SULF1: variants seen among roughly 807,000 people sequenced by gnomAD.
The protein encoded by SULF1 is sulfatase 1.
In SULF1, 46 loss-of-function variants were observed where a neutral mutation model predicts 110.5. The observed-to-expected ratio is 0.42, with a 90% CI of 0.33 to 0.53. SULF1 has a LOEUF of 0.53. Among genes scored for constraint, SULF1 ranks in the 20% least tolerant of loss-of-function variants. The pLI is 0.12. For synonymous variants in SULF1, 371 were observed against 387.1 expected (o/e 0.96, Z 0.49); for missense variants, 941 against 1,094.2 (o/e 0.86, Z 1.98).
At chr8:69,633,268 CAGAA>C (rs988730809) in intron 19 of SULF1, among the ~76,000 whole-genome samples, 5 of 151,224 alleles carry the variant, frequency 3.3e-5, no homozygotes, top group Admixed American at 2.0e-4. Flanking sequence ...AAACATGACT[CAGAA>C]AGATTTTCTG....
intron 3 of SULF1, among the ~76,000 whole-genome samples, chr8:69,520,131 A>C (rs1223163677): frequency 6.6e-6 from 1 of 151,516 alleles, no homozygotes; most frequent in Non-Finnish European, 1.5e-5. Flanking sequence ...ACACACACAC[A>C]CACACACACA....
intron 22 of SULF1, among the ~76,000 whole-genome samples, chr8:69,654,880 C>T (rs1274305751): frequency 1.3e-5 from 2 of 152,192 alleles, no homozygotes; most frequent in Non-Finnish European, 2.9e-5. Context: ...TAATGTGCAC[C>T]ATTATACGTC....
chr8:69,474,735 A>G (rs971238791), intron 1 of SULF1, among the ~76,000 whole-genome samples: 2 of 152,218 alleles, frequency 1.3e-5, no homozygotes, highest in Non-Finnish European at 2.9e-5. Flanking sequence ...GATTTATGAT[A>G]TGGACCCAAT....
chr8:69,646,603 T>C (rs1487853701), intron 22 of SULF1, among the ~76,000 whole-genome samples: 1 of 152,006 alleles, frequency 6.6e-6, no homozygotes, highest in Non-Finnish European at 1.5e-5. Flanking sequence ...ATTATCCCCA[T>C]TTTACAGATG....
intron 3 of SULF1, among the ~76,000 whole-genome samples, chr8:69,513,778 TA>T (rs1811735859): frequency 6.6e-6 from 1 of 152,232 alleles, no homozygotes. Context: ...CCAGGGTTTC[TA>T]ATTGGACTTC....
intron 3 of SULF1, among the ~76,000 whole-genome samples, chr8:69,514,617 G>A (rs140242547): frequency 2.0e-5 from 3 of 152,304 alleles, no homozygotes; most frequent in African/African-American, 7.2e-5. Context: ...GGGAGTGGGA[G>A]GAGGCTGTTC....
chr8:69,656,670 G>T (rs1382145653), intron 22 of SULF1, among the ~76,000 whole-genome samples: 1 of 152,170 alleles, frequency 6.6e-6, no homozygotes, highest in Non-Finnish European at 1.5e-5. Flanking sequence ...TTTTATGGCT[G>T]CATAGTATTC....
At chr8:69,572,381 A>G (rs7825887) in intron 5 of SULF1, among the ~76,000 whole-genome samples, 57,843 of 152,004 alleles carry the variant, frequency 0.38, 11,235 homozygotes, top group African/African-American at 0.44. Context: ...AATAATAGCT[A>G]CTAGCACCCA....
At chr8:69,541,569 T>C (rs1813860507) in intron 3 of SULF1, among the ~76,000 whole-genome samples, 1 of 152,252 alleles carries the variant, frequency 6.6e-6, no homozygotes, top group Non-Finnish European at 1.5e-5. Context: ...GACGTCTGCT[T>C]CTAACAGTGA....
At position 69,649,972 on chromosome 8, in the gene SULF1, CTTTTTTTTTTTTTTTTTTTTTTTTT is replaced by C. The variant is rs536073966; in HGVS notation, c.2586-8520_2586-8496del. ...CCCACTCTGTAATTCCTCCTGCTTGCTTTTTTTTTTTTTTTTTTTTTTTTTTTTTTTTTTTTTGTCTGAGACACGG... is the reference window on the plus strand; with the variant it reads ...CCCACTCTGTAATTCCTCCTGCTTGCTTTTTTTTTTTTGTCTGAGACACGG... On this transcript the variant is annotated intron_variant, in intron 22 of 22. Coordinates refer to ENST00000402687, the MANE Select transcript of SULF1 (RefSeq NM_001128205.2). Among the ~76,000 whole-genome samples the C allele has an allele frequency of 2.3e-4, 7 of 30,568 alleles. No homozygotes were observed. In the Admixed American group the frequency reaches 2.4e-3, roughly 11 times the overall value. 20.1% of individuals were successfully genotyped at this position (30,568 alleles called of 152,430 possible).
chr8:69,529,611 G>A (rs1280208941), intron 3 of SULF1, among the ~76,000 whole-genome samples: 7 of 152,174 alleles, frequency 4.6e-5, no homozygotes. Context: ...TGCAGCCTAA[G>A]ATACAGAGCA....
chr8:69,632,404 ATATAC>A (rs1361012040), intron 19 of SULF1, among the ~76,000 whole-genome samples: 1 of 152,194 alleles, frequency 6.6e-6, no homozygotes, highest in Non-Finnish European at 1.5e-5. Flanking sequence ...TATGTAATAT[ATATAC>A]TAAAGTAAAA....
chr8:69,608,849 A>C (rs1445172759), intron 13 of SULF1, among the ~76,000 whole-genome samples: 1 of 152,150 alleles, frequency 6.6e-6, no homozygotes, highest in Non-Finnish European at 1.5e-5. Context: ...TATGAGATGG[A>C]GTGTGAATTC....
intron 3 of SULF1, among the ~76,000 whole-genome samples, chr8:69,534,428 A>G (rs531222810): frequency 1.3e-5 from 2 of 152,364 alleles, no homozygotes; most frequent in African/African-American, 4.8e-5. Context: ...ATATATCATA[A>G]GAAACAAGAA....
At chr8:69,502,335 C>T (rs141019681) in intron 3 of SULF1, among the ~76,000 whole-genome samples, 61 of 152,304 alleles carry the variant, frequency 4.0e-4, no homozygotes, top group African/African-American at 1.4e-3. Context: ...CAACATACTC[C>T]ACAGTGTCAG....
chr8:69,479,987 A>C (rs563979525), intron 1 of SULF1, among the ~76,000 whole-genome samples: 2 of 152,100 alleles, frequency 1.3e-5, no homozygotes, highest in South Asian at 4.1e-4. Context: ...GATGATTGGG[A>C]CTGGAACAAA....
Position 69,660,531 on chromosome 8 carries a change from C to G in SULF1, c.*1996C>G, listed in dbSNP as rs951415037. ...CCCAAGATGATGTGTTTTTGCTTAC[C>G]CTAAGAGAGGTTTTCTTCTTATTTT... On this transcript the variant is annotated 3_prime_UTR_variant, in exon 23 of 23. Transcript: ENST00000402687. 6.6e-6 allele frequency: 1 copy of G among 152,528 alleles called. No individual in the cohort carries two copies. Among genetic ancestry groups the G allele is most frequent in the African/African-American group, 2.4e-5 (1 of 41,414 alleles). 9.4% of individuals were successfully genotyped at this position (152,528 alleles called of 1,614,324 possible).
intron 7 of SULF1, among the ~76,000 whole-genome samples, chr8:69,588,746 T>C (rs1368846908): frequency 6.6e-6 from 1 of 152,174 alleles, no homozygotes; most frequent in African/African-American, 2.4e-5. Flanking sequence ...TTACTTAAAA[T>C]CCATTTTTCG....
chr8:69,495,157 C>T (rs1175711356), intron 1 of SULF1, among the ~76,000 whole-genome samples: 1 of 152,092 alleles, frequency 6.6e-6, no homozygotes, highest in Non-Finnish European at 1.5e-5. Context: ...GGAGTAATAT[C>T]AGGTTGAGAT....
Sources: allele counts gnomAD v4.1 joint callset (sites outside exome capture counted in the v4.1 genomes callset), GRCh38; gene constraint gnomAD v4.1.1; transcripts MANE v1.5; gene names NCBI Gene and HGNC (gene_info 2026-07-23, HGNC 2026-07-21).